Variants in CNPPD1 observed in about 807,000 individuals in gnomAD.
CNPPD1 encodes protein CNPPD1.
In CNPPD1, 40 loss-of-function variants were observed where a neutral mutation model predicts 43.7. The ratio of observed to expected loss-of-function variants is 0.92; its 90% CI spans 0.71 to 1.19. The LOEUF is 1.19. Among genes scored for constraint, CNPPD1 ranks in the 50% most tolerant of loss-of-function variants. CNPPD1 has a pLI of 0.00. For synonymous variants in CNPPD1, 208 were observed against 214.3 expected (o/e 0.97, Z 0.26); for missense variants, 511 against 518.5 (o/e 0.99, Z 0.14).
upstream of CNPPD1, among the ~76,000 whole-genome samples, chr2:219,177,486 C>T (rs1198852423): frequency 6.6e-6 from 1 of 151,938 alleles, no homozygotes; most frequent in Non-Finnish European, 1.5e-5. Flanking sequence ...TGAAAAGCGT[C>T]TGAAAGGACA....
chr2:219,173,355 C>G lies in CNPPD1; in HGVS notation c.685G>C (p.Val229Leu). Reference protein sequence around the residue: ...LALGSLCQRLVKLSCLLAVAY... With the variant: ...LALGSLCQRLLKLSCLLAVAY... Reference sequence around the variant, plus strand: ...CCTTCCGAGCCCCTCCTCACCTTTACCAGCCGCTGGCAGAGGGAGCCCAGG... The same window carrying G: ...CCTTCCGAGCCCCTCCTCACCTTTAGCAGCCGCTGGCAGAGGGAGCCCAGG... Residue 229 changes from valine (V) to leucine (L), a missense_variant, in exon 7 of 8, where the codon GTA (valine) becomes CTA (leucine). Transcript: ENST00000360507. The G allele has an allele frequency of 1.9e-6, 3 of 1,613,028 alleles. No homozygotes were observed. Among genetic ancestry groups the G allele is most frequent in the Non-Finnish European group, 2.5e-6 (3 of 1,179,596 alleles).
In CNPPD1 at chr2:219,172,537, G is replaced by C; in HGVS notation, c.*49C>G. 6.3e-7 allele frequency: 1 copy of C among 1,592,940 alleles called. No homozygotes were observed. ...ATCTGAATCAAGCTTTGCTCCTCCA[G>C]GTTCTCAGAAACTCCCAAACCCTCT... On this transcript the variant is annotated 3_prime_UTR_variant, in exon 8 of 8. Transcript: ENST00000360507.
intron 5 of CNPPD1, 48 bp downstream of exon 5, chr2:219,174,730 T>C (rs1286459748): frequency 6.5e-6 from 10 of 1,533,458 alleles, no homozygotes; most frequent in Non-Finnish European, 8.8e-6. Flanking sequence ...TAAAGGACGG[T>C]TAAAGATGGG....
upstream of CNPPD1, chr2:219,177,877 G>A (rs1950202769): frequency 6.6e-6 from 1 of 152,426 alleles, no homozygotes; most frequent in Admixed American, 6.5e-5. Context: ...GGAACTGGGA[G>A]GACCAGTGCG....
intron 3 of CNPPD1, 110 bp from the exon 4 acceptor site, chr2:219,175,218 TG>T: frequency 7.2e-7 from 1 of 1,380,308 alleles, no homozygotes; most frequent in Non-Finnish European, 9.6e-7. Context: ...AAACTATTCC[TG>T]GCTGGGCACG....
chr2:219,176,833 C>T lies in CNPPD1; in HGVS notation c.-5G>A. ...CAGGAGCCCGGTCAGGTCCATCGCG[C>T]CGCCAGTCGCCGCCCTGCGAAGGTG... is the stretch of plus-strand genomic sequence containing the variant. On this transcript the variant is annotated 5_prime_UTR_variant, in exon 1 of 8. Transcript: ENST00000360507. 1 of 1,567,202 alleles carries T rather than the reference C, an allele frequency of 6.4e-7. No homozygotes were observed. Among genetic ancestry groups the T allele is most frequent in the Non-Finnish European group, 8.6e-7 (1 of 1,156,532 alleles).
At chr2:219,175,140 C>T (rs1950138498) in intron 3 of CNPPD1, 32 bp from the exon 4 acceptor site, 2 of 1,546,922 alleles carry the variant, frequency 1.3e-6, no homozygotes, top group Non-Finnish European at 1.7e-6. Context: ...TAATTAAACC[C>T]AAGGGTCCTT....
chr2:219,174,118 G>T, intron 6 of CNPPD1, 28 bp downstream of exon 6: 1 of 1,611,420 alleles, frequency 6.2e-7, no homozygotes, highest in East Asian at 2.2e-5. Flanking sequence ...AATCCCTCGA[G>T]CCCTTCTTCC....
chr2:219,175,582 C>T lies in CNPPD1; in HGVS notation c.260+9G>A. The stretch of plus-strand genomic sequence containing the variant: ...AACACTCTCATCCTATCCTCATTTC[C>T]AGGCTCACCGGGACACATGAGCTAC... On this transcript the variant is annotated intron_variant, in intron 3 of 7. Transcript: ENST00000360507. 1 of 1,611,220 alleles carries T rather than the reference C, an allele frequency of 6.2e-7. No individual in the cohort carries two copies.
Position 219,173,474 on chromosome 2 carries a change from G to T in CNPPD1, c.573-7C>A, listed in dbSNP as rs772074961. ...TCCCTGCTGCTCAGCCACACTGGGG[G>T]AAGTGGAGAAATGACAAGAGTATGC... On this transcript the variant is annotated splice_region_variant and splice_polypyrimidine_tract_variant and intron_variant, in intron 6 of 7. Coordinates refer to ENST00000360507, the MANE Select transcript of CNPPD1 (RefSeq NM_015680.6). 2.5e-6 allele frequency: 4 copies of T among 1,612,270 alleles called. No individual in the cohort carries two copies. The African/African-American group carries it at 4.0e-5, about 16-fold the overall frequency.
chr2:219,177,097 C>G, upstream of CNPPD1: 1 of 391,558 alleles, frequency 2.6e-6, no homozygotes, highest in Non-Finnish European at 4.6e-6. Context: ...GTCCGTGCGA[C>G]GCTCACCTCG....
chr2:219,172,778 TG>T lies in CNPPD1; in HGVS notation c.1040del (p.Pro347GlnfsTer66). 6.2e-7 allele frequency: 1 copy of T among 1,606,326 alleles called. No homozygotes were observed. The highest frequency in any genetic ancestry group is 2.2e-5 in the East Asian group (1 of 44,738). ...TGGGGTGGAGGCAGGCATGGCAGGT[TG>T]GGGAGTCTCTCTGGAGCTTCTGGCA... ...HLCQKLQRDSPTCHACLHPNR... is the reference protein window; with the variant it reads ...HLCQKLQRDSXTCHACLHPNR... On this transcript the variant is annotated frameshift_variant, in exon 8 of 8. Coordinates refer to ENST00000360507, the MANE Select transcript of CNPPD1 (RefSeq NM_015680.6). LOFTEE classifies it high-confidence loss of function.
intron 2 of CNPPD1, 32 bp downstream of exon 2, chr2:219,176,191 C>G: frequency 6.7e-7 from 1 of 1,492,652 alleles, no homozygotes; most frequent in Non-Finnish European, 9.3e-7. Context: ...TTTCATGCTT[C>G]TCACTTGTCC....
chr2:219,177,907 T>A (rs543136024), upstream of CNPPD1: 1 of 152,520 alleles, frequency 6.6e-6, no homozygotes, highest in Admixed American at 6.5e-5. Context: ...GGTTGAGTAA[T>A]GGGACGGCCA....
rs768238546 is a variant in CNPPD1, at chr2:219,173,065, C to T, written c.754G>A (p.Val252Ile). ...GACAGCCCCAAAGACTGATGTATTA[C>T]GGCCACCGATGCCACAGCCAGGGCC... ...SVALAVASVAVIHQSLGLSCI... is the reference protein window; with the variant it reads ...SVALAVASVAIIHQSLGLSCI... The change falls in exon 8 of 8, where the codon GTA becomes ATA. Residue 252 changes from valine (V) to isoleucine (I), a missense_variant. By Grantham distance (29) the Val-to-Ile change is conservative. Transcript: ENST00000360507. The T allele has an allele frequency of 1.2e-5, 19 of 1,609,596 alleles. No homozygotes were observed. The highest frequency in any genetic ancestry group is 4.0e-5 in the African/African-American group (3 of 74,858).
chr2:219,174,105 C>T (rs367568678), intron 6 of CNPPD1, 41 bp downstream of exon 6: 3 of 1,600,668 alleles, frequency 1.9e-6, no homozygotes, highest in Non-Finnish European at 2.6e-6. Flanking sequence ...GACTCAGCCC[C>T]CAAATCCCTC....
chr2:219,176,902 G>GC lies in CNPPD1; in HGVS notation c.-75dup. ...GTAGGGGGCTCGCGGAGCTGTCCTT[G>GC]CCCGCCTGTCCACCTGCCAGCCTGC... On this transcript the variant is annotated 5_prime_UTR_variant, in exon 1 of 8. Transcript: ENST00000360507. 1 of 1,301,720 alleles carries GC rather than the reference G, an allele frequency of 7.7e-7. No individual in the cohort carries two copies. Among genetic ancestry groups the GC allele is most frequent in the South Asian group, 1.4e-5 (1 of 74,044 alleles). The allele number at this position is 1,301,720 out of a possible 1,614,324, so 80.6% of individuals were successfully genotyped here. A position where few individuals can be genotyped will look rare whatever the true frequency, so the allele number is the denominator to read the frequency against.
At position 219,174,133 on chromosome 2, in the gene CNPPD1, T is replaced by C. The variant is rs1207767419; in HGVS notation, c.572+13A>G. 8.1e-6 allele frequency: 13 copies of C among 1,613,742 alleles called. No homozygotes were observed. On this transcript the variant is annotated intron_variant, in intron 6 of 7. Coordinates refer to ENST00000360507, the MANE Select transcript of CNPPD1 (RefSeq NM_015680.6). Reference sequence around the variant, plus strand: ...AATCCCTCGAGCCCTTCTTCCCAACTCCTAGAACCTACCAGCTCTCCAACC... The same window carrying C: ...AATCCCTCGAGCCCTTCTTCCCAACCCCTAGAACCTACCAGCTCTCCAACC...
chr2:219,176,891 G>A lies in CNPPD1; in HGVS notation c.-63C>T. 7.1e-7 allele frequency: 1 copy of A among 1,415,986 alleles called. No individual in the cohort carries two copies. The highest frequency in any genetic ancestry group is 9.7e-7 in the Non-Finnish European group (1 of 1,031,498). 87.7% of individuals were successfully genotyped at this position (1,415,986 alleles called of 1,614,324 possible). ...GGAAACGAGTTGTAGGGGGCTCGCG[G>A]AGCTGTCCTTGCCCGCCTGTCCACC... is the stretch of plus-strand genomic sequence containing the variant. On this transcript the variant is annotated 5_prime_UTR_variant, in exon 1 of 8. Transcript: ENST00000360507.
Sources: gnomAD v4.1 joint callset for allele counts (sites outside exome capture counted in the v4.1 genomes callset) on GRCh38, gnomAD v4.1.1 for gene constraint, MANE v1.5 for transcripts, NCBI Gene and HGNC (gene_info 2026-07-23, HGNC 2026-07-21) for gene names.